SND1: variants seen among roughly 807,000 people sequenced by gnomAD.
SND1 encodes staphylococcal nuclease domain-containing protein 1.
In SND1, 38 loss-of-function variants were observed where a neutral mutation model predicts 121.7. The observed-to-expected ratio is 0.31, with a 90% confidence interval of 0.24 to 0.41. The LOEUF is 0.41. Among genes scored for constraint, SND1 ranks in the 10% least tolerant of loss-of-function variants. The probability of loss-of-function intolerance (pLI) is 1.00; values close to 1 mark genes in which losing one functional copy is unlikely to be tolerated. For missense variants in SND1, 868 were observed against 1,184.6 expected (o/e 0.73, Z 3.92); for synonymous variants, 401 against 447.4 (o/e 0.90, Z 1.31).
intron 9 of SND1, 147 bp from the exon 10 acceptor site, chr7:127,721,140 A>G (rs1453387824): frequency 4.1e-6 from 2 of 483,262 alleles, no homozygotes; most frequent in Non-Finnish European, 7.5e-6. Context: ...GTTTTCTCTG[A>G]CATTGTTGCA....
intron 16 of SND1, chr7:128,028,900 C>T: frequency 6.2e-7 from 1 of 1,613,580 alleles, no homozygotes; most frequent in Middle Eastern, 1.7e-4. Context: ...GTTGCTGCTG[C>T]GGATGTTGCT....
intron 12 of SND1, among the ~76,000 whole-genome samples, chr7:127,857,329 A>G (rs1330785566): frequency 7.0e-6 from 1 of 141,950 alleles, no homozygotes; most frequent in Non-Finnish European, 1.5e-5. Flanking sequence ...AGCAGCTGGG[A>G]CTACAGGCGC....
intron 14 of SND1, among the ~76,000 whole-genome samples, chr7:127,928,802 G>A (rs1193772008): frequency 6.6e-6 from 1 of 152,044 alleles, no homozygotes; most frequent in East Asian, 1.9e-4. Context: ...TGTTGGCCAG[G>A]ATGGTTTCAA....
intron 9 of SND1, among the ~76,000 whole-genome samples, chr7:127,716,325 C>T (rs1045096237): frequency 3.3e-5 from 5 of 152,160 alleles, no homozygotes; most frequent in Non-Finnish European, 5.9e-5. Flanking sequence ...ACAGTATTGT[C>T]TTCCAGTCCA....
chr7:127,743,424 G>A (rs144972082), intron 10 of SND1, among the ~76,000 whole-genome samples: 4 of 152,318 alleles, frequency 2.6e-5, no homozygotes, highest in Middle Eastern at 6.8e-3. Context: ...TACTGTCACT[G>A]CTCTGATGTC....
chr7:128,071,998 G>A (rs762416621), intron 16 of SND1, among the ~76,000 whole-genome samples: 11 of 152,220 alleles, frequency 7.2e-5, no homozygotes, highest in Admixed American at 2.6e-4. Flanking sequence ...GCTCACCTGC[G>A]CAGGAGAGCC....
chr7:127,815,484 C>A (rs769858249), intron 11 of SND1, among the ~76,000 whole-genome samples: 2 of 151,640 alleles, frequency 1.3e-5, no homozygotes, highest in African/African-American at 2.4e-5. Context: ...AGTGAGACCC[C>A]AACTCTAGAA....
rs569580012 is a variant in SND1, at chr7:127,986,078, G to GA, written c.1670-4867dup. Among the ~76,000 whole-genome samples the GA allele has an allele frequency of 4.6e-5, 7 of 152,278 alleles. No individual in the cohort carries two copies. The East Asian group carries it at 1.3e-3, about 29-fold the overall frequency. ...CCCACTGCCCAATAAAGGAAAAAGTGAACACATTCTGAGTCCTGAGACTTA... is the reference window on the plus strand; with the variant it reads ...CCCACTGCCCAATAAAGGAAAAAGTGAAACACATTCTGAGTCCTGAGACTTA... On this transcript the variant is annotated intron_variant, in intron 15 of 23. Coordinates refer to ENST00000354725, the MANE Select transcript of SND1 (RefSeq NM_014390.4).
At chr7:127,671,633 C>T (rs1201764424) in intron 1 of SND1, among the ~76,000 whole-genome samples, 1 of 152,178 alleles carries the variant, frequency 6.6e-6, no homozygotes, top group Non-Finnish European at 1.5e-5. Flanking sequence ...GCCTCAGCCT[C>T]CCGAGTAGCT....
At chr7:127,825,664 C>G (rs994053223) in intron 11 of SND1, among the ~76,000 whole-genome samples, 4 of 151,960 alleles carry the variant, frequency 2.6e-5, no homozygotes, top group Non-Finnish European at 5.9e-5. Flanking sequence ...ACCCCGGCCT[C>G]CCAAAGTGTG....
At chr7:128,020,947 A>G (rs945039943) in intron 16 of SND1, among the ~76,000 whole-genome samples, 14 of 152,212 alleles carry the variant, frequency 9.2e-5, no homozygotes, top group African/African-American at 3.1e-4. Context: ...GAAAGAGCAC[A>G]GTCTTGTCCT....
intron 16 of SND1, chr7:128,030,220 C>T: frequency 6.2e-7 from 1 of 1,614,192 alleles, no homozygotes; most frequent in Non-Finnish European, 8.5e-7. Flanking sequence ...TCAAAGGCCC[C>T]GCTAGGGATG....
At chr7:128,064,734 G>A (rs920029603) in intron 16 of SND1, among the ~76,000 whole-genome samples, 6 of 152,088 alleles carry the variant, frequency 3.9e-5, no homozygotes, top group African/African-American at 1.4e-4. Flanking sequence ...CCTGGGGAAC[G>A]TTCATATTCA....
At chr7:128,050,377 A>C (rs1195781734) in intron 16 of SND1, among the ~76,000 whole-genome samples, 5 of 152,220 alleles carry the variant, frequency 3.3e-5, no homozygotes, top group Admixed American at 3.3e-4. Context: ...TCTTCTCCTT[A>C]CCTCTTTTCC....
intron 11 of SND1, among the ~76,000 whole-genome samples, chr7:127,824,629 A>G (rs763810206): frequency 3.3e-5 from 5 of 152,198 alleles, no homozygotes; most frequent in African/African-American, 1.2e-4. Context: ...CAGCAAGAGT[A>G]GCAGTCCCAG....
Position 128,052,576 on chromosome 7 carries a change from G to T in SND1, c.1780-21926G>T, listed in dbSNP as rs1554367201. Among the ~76,000 whole-genome samples, 2 of 152,264 alleles carry T rather than the reference G, an allele frequency of 1.3e-5. No homozygotes were observed. Among genetic ancestry groups the T allele is most frequent in the Non-Finnish European group, 2.9e-5 (2 of 68,044 alleles). The stretch of plus-strand genomic sequence containing the variant: ...TCACGGATGTTGACGAGGCCTGTGT[G>T]TGTATCTGCATGCTCACACCGCAGC... On this transcript the variant is annotated intron_variant, in intron 16 of 23. Transcript: ENST00000354725. This position sits in a 1 kb window ranked among gnomAD's most constrained non-coding sequence, Gnocchi z 4.6.
chr7:127,781,571 CTTTTTTGTTCATTTGA>C (rs1450124621), intron 10 of SND1, among the ~76,000 whole-genome samples: 3 of 104,384 alleles, frequency 2.9e-5, no homozygotes, highest in Non-Finnish European at 6.0e-5. Context: ...GAAGAAGAAA[CTTTTTTGTTCATTTGA>C]TTTTTTTTTT....
intron 12 of SND1, among the ~76,000 whole-genome samples, chr7:127,856,370 A>G (rs1370351106): frequency 3.3e-5 from 5 of 152,026 alleles, no homozygotes; most frequent in African/African-American, 1.2e-4. Flanking sequence ...TTTTTACTCT[A>G]CCCCCACCTG....
At chr7:127,930,852 AT>A (rs549472233) in intron 15 of SND1, among the ~76,000 whole-genome samples, 16 of 152,024 alleles carry the variant, frequency 1.1e-4, no homozygotes, top group African/African-American at 3.6e-4. Context: ...CAGATATTGC[AT>A]TTTTTTTATA....
Sources: allele counts gnomAD v4.1 joint callset (sites outside exome capture counted in the v4.1 genomes callset), GRCh38; gene constraint gnomAD v4.1.1; non-coding constraint Gnocchi (gnomAD v3.1); transcripts MANE v1.5; gene names NCBI Gene and HGNC (gene_info 2026-07-23, HGNC 2026-07-21).